Variants in DGCR8 observed in about 807,000 individuals in gnomAD.
The protein encoded by DGCR8 is DGCR8 microprocessor complex subunit.
DGCR8 carries 14 observed loss-of-function variants against 78.5 expected under a neutral mutation model. The ratio of observed to expected loss-of-function variants is 0.18; its 90% confidence interval spans 0.12 to 0.28. The LOEUF is 0.28. Ranked by LOEUF, DGCR8 falls within the 10% of genes least tolerant of loss-of-function variation. The probability of loss-of-function intolerance (pLI) is 1.00; values close to 1 mark genes in which losing one functional copy is unlikely to be tolerated. For synonymous variants in DGCR8, 399 were observed against 402.4 expected, an observed-to-expected ratio of 0.99 and a Z score of 0.10; for missense variants, 702 against 1,022.5, an observed-to-expected ratio of 0.69 and a Z score of 4.28.
At chr22:20,105,941 C>T (rs759137211) in intron 9 of DGCR8, among the ~76,000 whole-genome samples, 1 of 152,158 alleles carries the variant, frequency 6.6e-6, no homozygotes, top group Non-Finnish European at 1.5e-5. Context: ...ATACCAGACT[C>T]CATCCCACAG....
At chr22:20,108,601 T>C in intron 12 of DGCR8, 1 of 320,890 alleles carries the variant, frequency 3.1e-6, no homozygotes, top group East Asian at 7.6e-5. Flanking sequence ...CACGAGCACC[T>C]CACCTCCCTA....
chr22:20,106,340 T>C, intron 10 of DGCR8, 63 bp downstream of exon 10: 2 of 1,388,926 alleles, frequency 1.4e-6, no homozygotes, highest in South Asian at 1.2e-5. Flanking sequence ...TGGCGTCTCA[T>C]ATTCTTGTGG....
intron 7 of DGCR8, among the ~76,000 whole-genome samples, chr22:20,092,284 A>C (rs939537835): frequency 6.6e-6 from 1 of 152,020 alleles, no homozygotes; most frequent in African/African-American, 2.4e-5. Context: ...CCCACTGTGC[A>C]CTGGGTCCTT....
chr22:20,100,923 C>T (rs2049692329), intron 9 of DGCR8: 1 of 785,420 alleles, frequency 1.3e-6, no homozygotes, highest in Non-Finnish European at 1.5e-6. Flanking sequence ...ATGGGGGCCC[C>T]TGCCACCCGG....
intron 9 of DGCR8, among the ~76,000 whole-genome samples, chr22:20,103,125 C>T (rs907890601): frequency 1.4e-5 from 2 of 147,996 alleles, no homozygotes; most frequent in Non-Finnish European, 3.0e-5. Context: ...GCAACAAGAG[C>T]GAAACCCCAT....
At position 20,110,972 on chromosome 22, in the gene DGCR8, C is replaced by T. The variant is rs1432974966; in HGVS notation, c.*864C>T. On this transcript the variant is annotated 3_prime_UTR_variant, in exon 14 of 14. Coordinates refer to ENST00000351989, the MANE Select transcript of DGCR8 (RefSeq NM_022720.7). ...TTTTAAAGCTTTTGTGATATTTTAG[C>T]ATTTTGAAAGACTTTCACAGTGAGA... 5.1e-6 allele frequency: 2 copies of T among 394,290 alleles called. No homozygotes were observed. The highest frequency in any genetic ancestry group is 2.1e-5 in the African/African-American group (1 of 48,564). 24.4% of individuals were successfully genotyped at this position (394,290 alleles called of 1,614,324 possible). A position where few individuals can be genotyped will look rare whatever the true frequency, so the allele number is the denominator to read the frequency against.
chr22:20,110,000 C>A (rs200120427), intron 13 of DGCR8, 25 bp from the exon 14 acceptor site: 3 of 1,612,074 alleles, frequency 1.9e-6, no homozygotes, highest in East Asian at 4.5e-5. Flanking sequence ...CTCACTGGTA[C>A]CCCTGACCTT....
At chr22:20,088,191 T>C (rs2049512025) in intron 3 of DGCR8, among the ~76,000 whole-genome samples, 1 of 152,152 alleles carries the variant, frequency 6.6e-6, no homozygotes, top group African/African-American at 2.4e-5. Flanking sequence ...TTGCTGCCTA[T>C]GTCGTGTTGG....
rs1276393996 is a variant in DGCR8, at chr22:20,083,946, C to T, written c.-277-1741C>T. Among the ~76,000 whole-genome samples the T allele has an allele frequency of 7.2e-5, 11 of 152,262 alleles. No individual in the cohort carries two copies. The East Asian group carries it at 2.1e-3, about 29-fold the overall frequency. On this transcript the variant is annotated intron_variant, in intron 1 of 13. Coordinates refer to ENST00000351989, the MANE Select transcript of DGCR8 (RefSeq NM_022720.7). ...TGCTGTGTTTCCTGGATCCTCAGCA[C>T]CTTTGATGGACACATCTTTGGGAAC...
In DGCR8 at chr22:20,086,418, T is replaced by A; in HGVS notation, c.455T>A (p.Leu152His). The A allele has an allele frequency of 6.2e-7, 1 of 1,614,000 alleles. No individual in the cohort carries two copies. The highest frequency in any genetic ancestry group is 8.5e-7 in the Non-Finnish European group (1 of 1,180,022). ...GTGCGGGCGGAGTGCGGTCTGCTCC[T>A]TAGCCCTGTCAGTGGGGACGTGCAT... is the stretch of plus-strand genomic sequence containing the variant. Reference protein sequence around the residue: ...RDVRAECGLLLSPVSGDVHAC... With the variant: ...RDVRAECGLLHSPVSGDVHAC... The change falls in exon 2 of 14, where the codon CTT (leucine) becomes CAT (histidine). Residue 152 changes from leucine (L) to histidine (H), a missense_variant. Around this residue, in one of 4 missense-constraint regions of DGCR8, gnomAD observed 356 missense variants for 448.9 expected, o/e 0.79. Transcript: ENST00000351989. The surrounding 1 kb of genome is among the most constrained non-coding windows in gnomAD (Gnocchi z 6.4).
chr22:20,085,989 C>A lies in DGCR8; in HGVS notation c.26C>A (p.Pro9Gln). 1.2e-6 allele frequency: 2 copies of A among 1,601,798 alleles called. No homozygotes were observed. Among genetic ancestry groups the A allele is most frequent in the Non-Finnish European group, 1.7e-6 (2 of 1,173,422 alleles). ...ATGGAGACAGATGAGAGCCCCTCTC[C>A]GCTCCCGTGTGGGCCCGCAGGAGAA... is the stretch of plus-strand genomic sequence containing the variant. METDESPS[P>Q]LPCGPAGEAV... The change falls in exon 2 of 14, where the codon CCG (proline) becomes CAG (glutamine). Residue 9 changes from proline (P) to glutamine (Q), a missense_variant. Around this residue, in one of 4 missense-constraint regions of DGCR8, gnomAD observed 356 missense variants for 448.9 expected, o/e 0.79. Coordinates refer to ENST00000351989, the MANE Select transcript of DGCR8 (RefSeq NM_022720.7). This position sits in a 1 kb window ranked among gnomAD's most constrained non-coding sequence, Gnocchi z 6.2.
chr22:20,100,539 A>C, intron 9 of DGCR8: 1 of 985,158 alleles, frequency 1.0e-6, no homozygotes, highest in Non-Finnish European at 1.2e-6. Context: ...TTCCTGTCTG[A>C]GTAAAAGCCC....
rs139027198 is a variant in DGCR8, at chr22:20,091,539, A to T, written c.1411A>T (p.Met471Leu). 4 of 1,614,146 alleles carry T rather than the reference A, an allele frequency of 2.5e-6. No homozygotes were observed. The African/African-American group carries it at 4.0e-5, about 16-fold the overall frequency. ...WAERRQFNRE[M>L]KRKQAESERP... ...TGAGCGGCGGCAATTCAATCGGGAA[A>T]TGAAGCGGAAGCAGGCGGAGTCCGA... Residue 471 changes from methionine (M) to leucine (L), a missense_variant, in exon 6 of 14, where the codon ATG becomes TTG. Met to Leu is a conservative substitution (Grantham distance 15). This residue lies in a region of DGCR8 where 225 missense variants were observed against 427.7 expected (regional missense o/e 0.53). Coordinates refer to ENST00000351989, the MANE Select transcript of DGCR8 (RefSeq NM_022720.7).
Position 20,087,556 on chromosome 22 carries a change from G to A in DGCR8, c.880+235G>A, listed in dbSNP as rs2049501295. Among the ~76,000 whole-genome samples, 1 of 152,150 alleles carries A rather than the reference G, an allele frequency of 6.6e-6. No homozygotes were observed. The highest frequency in any genetic ancestry group is 2.1e-4 in the South Asian group (1 of 4,818). The stretch of plus-strand genomic sequence containing the variant: ...TGGAAACCACAGAGCAGCAGGCACT[G>A]TGCAGAGGAATGGGAGGGGACTTCT... On this transcript the variant is annotated intron_variant, in intron 3 of 13. Transcript: ENST00000351989. This position sits in a 1 kb window ranked among gnomAD's most constrained non-coding sequence, Gnocchi z 4.1.
intron 9 of DGCR8, among the ~76,000 whole-genome samples, chr22:20,098,773 T>C (rs1166792937): frequency 1.3e-5 from 2 of 152,332 alleles, no homozygotes; most frequent in East Asian, 1.9e-4. Flanking sequence ...CATGCTGGTC[T>C]CCACATTGCC....
chr22:20,106,513 C>T, intron 10 of DGCR8, 79 bp from the exon 11 acceptor site: 1 of 1,090,058 alleles, frequency 9.2e-7, no homozygotes, highest in Non-Finnish European at 1.4e-6. Flanking sequence ...TTCCTAAGGG[C>T]TTCCCAGAGC....
chr22:20,110,008 C>T lies in DGCR8; in HGVS notation c.2239-17C>T. On this transcript the variant is annotated splice_polypyrimidine_tract_variant and intron_variant, in intron 13 of 13. Coordinates refer to ENST00000351989, the MANE Select transcript of DGCR8 (RefSeq NM_022720.7). ...AGCCCACCTCACTGGTACCCCTGAC[C>T]TTTGTTGTTCTTTCAGGAGGAGACT... is the stretch of plus-strand genomic sequence containing the variant. 6.2e-7 allele frequency: 1 copy of T among 1,613,558 alleles called. No homozygotes were observed. Among genetic ancestry groups the T allele is most frequent in the African/African-American group, 1.3e-5 (1 of 75,070 alleles).
chr22:20,103,258 C>T (rs2049725918), intron 9 of DGCR8, among the ~76,000 whole-genome samples: 1 of 151,994 alleles, frequency 6.6e-6, no homozygotes, highest in Admixed American at 6.6e-5. Context: ...TTCATCTGTT[C>T]ATTTATTTAG....
At position 20,110,881 on chromosome 22, in the gene DGCR8, C is replaced by T. The variant is rs528105996; in HGVS notation, c.*773C>T. The T allele has an allele frequency of 1.1e-5, 3 of 272,818 alleles. No individual in the cohort carries two copies. The highest frequency in any genetic ancestry group is 2.0e-5 in the Non-Finnish European group (3 of 147,424). 16.9% of individuals were successfully genotyped at this position (272,818 alleles called of 1,614,324 possible). A position where few individuals can be genotyped will look rare whatever the true frequency, so the allele number is the denominator to read the frequency against. Reference sequence around the variant, plus strand: ...GACACTGAGGCCCTCTCTGCCTTTCCTGGCCTCCGGCAACAGTTTTTTACA... The same window carrying T: ...GACACTGAGGCCCTCTCTGCCTTTCTTGGCCTCCGGCAACAGTTTTTTACA... On this transcript the variant is annotated 3_prime_UTR_variant, in exon 14 of 14. Coordinates refer to ENST00000351989, the MANE Select transcript of DGCR8 (RefSeq NM_022720.7).
Sources: gnomAD v4.1 joint callset for allele counts (sites outside exome capture counted in the v4.1 genomes callset) on GRCh38, gnomAD v4.1.1 for gene constraint, gnomAD v4.1.1 regional missense constraint, Gnocchi (gnomAD v3.1) non-coding constraint, MANE v1.5 for transcripts, NCBI Gene and HGNC (gene_info 2026-07-23, HGNC 2026-07-21) for gene names.